The following DGKI variants were observed in gnomAD, a reference collection of about 807,000 sequenced individuals.
DGKI encodes DAG kinase iota.
DGKI carries 55 observed loss-of-function variants against 147.5 expected under a neutral mutation model. The ratio of observed to expected loss-of-function variants is 0.37; its 90% CI spans 0.30 to 0.47. The LOEUF (loss-of-function observed/expected upper bound fraction) is 0.47. Ranked by LOEUF, DGKI falls within the 20% of genes least tolerant of loss-of-function variation. DGKI has a pLI of 1.00. For missense variants in DGKI, 1,007 were observed against 1,323.8 expected, an observed-to-expected ratio of 0.76 and a Z score of 3.71; for synonymous variants, 469 against 477.1, an observed-to-expected ratio of 0.98 and a Z score of 0.22.
chr7:137,413,392 T>C (rs1264405487), intron 28 of DGKI, among the ~76,000 whole-genome samples: 2 of 147,698 alleles, frequency 1.4e-5, no homozygotes, highest in African/African-American at 5.4e-5. Context: ...ACCCAGACAG[T>C]GAACATAGTA....
At chr7:137,523,335 C>G (rs1264161241) in intron 20 of DGKI, among the ~76,000 whole-genome samples, 1 of 152,018 alleles carries the variant, frequency 6.6e-6, no homozygotes, top group African/African-American at 2.4e-5. Flanking sequence ...TAGTAACTCC[C>G]TCCATATGGA....
chr7:137,523,490 C>T (rs1817037492), intron 20 of DGKI, among the ~76,000 whole-genome samples: 1 of 151,860 alleles, frequency 6.6e-6, no homozygotes, highest in Non-Finnish European at 1.5e-5. Flanking sequence ...TAAACTGTGG[C>T]TATTTAAAAG....
At chr7:137,520,817 A>G (rs1457614043) in intron 21 of DGKI, among the ~76,000 whole-genome samples, 1 of 151,976 alleles carries the variant, frequency 6.6e-6, no homozygotes, top group Non-Finnish European at 1.5e-5. Context: ...ATTTCCATCC[A>G]CTAAAGCTTA....
At chr7:137,838,928 T>G (rs767719387) in intron 1 of DGKI, among the ~76,000 whole-genome samples, 50 of 152,244 alleles carry the variant, frequency 3.3e-4, no homozygotes, top group Admixed American at 7.2e-4. Context: ...ATTGTCTGTA[T>G]GTACAAAGCA....
chr7:137,731,321 G>A (rs1165708632), intron 1 of DGKI, among the ~76,000 whole-genome samples: 1 of 151,932 alleles, frequency 6.6e-6, no homozygotes, highest in Non-Finnish European at 1.5e-5. Flanking sequence ...TTTATTATTT[G>A]TCTCCTTCCA....
chr7:137,686,488 A>G (rs1048027749), intron 2 of DGKI, among the ~76,000 whole-genome samples: 3 of 152,246 alleles, frequency 2.0e-5, no homozygotes, highest in African/African-American at 4.8e-5. Flanking sequence ...GAATGAGCCC[A>G]TGTGGGACAG....
chr7:137,678,408 C>T (rs1264531366), intron 3 of DGKI, 149 bp downstream of exon 3: 2 of 734,222 alleles, frequency 2.7e-6, no homozygotes, highest in South Asian at 1.7e-5. Context: ...ACTTGAGAAA[C>T]TCTCTGCAAA....
chr7:137,725,659 A>G (rs960366247), intron 1 of DGKI, among the ~76,000 whole-genome samples: 3 of 151,902 alleles, frequency 2.0e-5, no homozygotes, highest in Admixed American at 6.6e-5. Flanking sequence ...AGATTTAATT[A>G]ACCTTAGAAA....
chr7:137,492,918 C>T (rs1815821181), intron 21 of DGKI, among the ~76,000 whole-genome samples: 1 of 152,186 alleles, frequency 6.6e-6, no homozygotes, highest in South Asian at 2.1e-4. Context: ...CAAATAGCTC[C>T]AGCCCAGTGG....
At chr7:137,460,915 A>G (rs190201443) in intron 27 of DGKI, among the ~76,000 whole-genome samples, 26 of 152,338 alleles carry the variant, frequency 1.7e-4, no homozygotes, top group African/African-American at 6.3e-4. Flanking sequence ...TGATTAGAAC[A>G]TAGTTTATAT....
intron 28 of DGKI, 103 bp from the exon 29 acceptor site, chr7:137,412,310 G>A: frequency 9.2e-7 from 1 of 1,087,610 alleles, no homozygotes; most frequent in Non-Finnish European, 1.4e-6. Flanking sequence ...TACATTTGGG[G>A]CAGGAATCAG....
intron 14 of DGKI, among the ~76,000 whole-genome samples, 169 bp downstream of exon 14, chr7:137,585,040 T>G: frequency 6.6e-6 from 1 of 152,172 alleles, no homozygotes; most frequent in Non-Finnish European, 1.5e-5. Flanking sequence ...TGGGGCAGAA[T>G]CATTAGGTGG....
chr7:137,581,700 G>T (rs1416145853), intron 15 of DGKI, 150 bp downstream of exon 15: 3 of 635,114 alleles, frequency 4.7e-6, no homozygotes, highest in African/African-American at 3.6e-5. Flanking sequence ...TTCCTGTCCT[G>T]TCTAGCTCCC....
intron 21 of DGKI, among the ~76,000 whole-genome samples, chr7:137,499,082 C>T (rs556630138): frequency 2.4e-4 from 37 of 152,250 alleles, no homozygotes; most frequent in Non-Finnish European, 4.4e-4. Context: ...GAAAGCATCA[C>T]CTTTTCTTTA....
chr7:137,731,442 C>T (rs192442927), intron 1 of DGKI, among the ~76,000 whole-genome samples: 32 of 152,204 alleles, frequency 2.1e-4, no homozygotes, highest in African/African-American at 7.7e-4. Flanking sequence ...ACTAACAGTG[C>T]TTGCCACATA....
At position 137,585,151 on chromosome 7, in the gene DGKI, CCTGTAG is replaced by C. The variant is rs1490448187; in HGVS notation, c.1563+52_1563+57del. On this transcript the variant is annotated intron_variant, in intron 14 of 32. Transcript: ENST00000614521. ...TGACTCTCCAGCCAGGATTTTTTTT[CCTGTAG>C]CTCAGGCAGATGCTCCAGGGCTCCT... is the stretch of plus-strand genomic sequence containing the variant. 2.2e-5 allele frequency: 35 copies of C among 1,589,152 alleles called. No homozygotes were observed. The African/African-American group carries it at 3.0e-4, about 14-fold the overall frequency.
Position 137,846,852 on chromosome 7 carries a change from G to A in DGKI, c.11C>T (p.Ala4Val). 1 of 1,145,414 alleles carries A rather than the reference G, an allele frequency of 8.7e-7. No homozygotes were observed. Among genetic ancestry groups the A allele is most frequent in the Non-Finnish European group, 1.1e-6 (1 of 931,964 alleles). The allele number at this position is 1,145,414 out of a possible 1,614,324, so 71.0% of individuals were successfully genotyped here. A position where few individuals can be genotyped will look rare whatever the true frequency, so the allele number is the denominator to read the frequency against. Reference protein sequence around the residue: MDAAGRGCHLLPLP... With the variant: MDAVGRGCHLLPLP... ...GGGCAGCAAATGGCAGCCCCTTCCCGCAGCATCCATCCGCGGCTGCACCGC... is the reference window on the plus strand; with the variant it reads ...GGGCAGCAAATGGCAGCCCCTTCCCACAGCATCCATCCGCGGCTGCACCGC... Residue 4 changes from alanine to valine, a missense_variant, in exon 1 of 33, where the codon GCG becomes GTG. Transcript: ENST00000614521. The surrounding 1 kb of genome is among the most constrained non-coding windows in gnomAD (Gnocchi z 4.0).
intron 1 of DGKI, among the ~76,000 whole-genome samples, chr7:137,826,261 A>G (rs753737779): frequency 1.9e-4 from 29 of 152,330 alleles, no homozygotes; most frequent in Non-Finnish European, 3.4e-4. Flanking sequence ...CAAAATGCAG[A>G]GCGTGAGCCA....
At chr7:137,806,136 G>GTCCCCACCTGATGGCTT (rs1797357237) in intron 1 of DGKI, among the ~76,000 whole-genome samples, 1 of 152,178 alleles carries the variant, frequency 6.6e-6, no homozygotes, top group Admixed American at 6.5e-5. Context: ...GTAGATGAAG[G>GTCCCCACCTGATGGCTT]TCCCCACCTG....
Sources: gnomAD v4.1 joint callset for allele counts (sites outside exome capture counted in the v4.1 genomes callset) on GRCh38, gnomAD v4.1.1 for gene constraint, Gnocchi (gnomAD v3.1) non-coding constraint, MANE v1.5 for transcripts, NCBI Gene and HGNC (gene_info 2026-07-23, HGNC 2026-07-21) for gene names.